Variants in TEX264 observed in about 807,000 individuals in gnomAD.
TEX264 encodes the protein testis expressed 264, ER-phagy receptor, also known as testis-expressed protein 264.
Under a neutral mutation model 23.4 loss-of-function variants are expected in TEX264, and 13 were observed. The ratio of observed to expected loss-of-function variants is 0.56; its 90% CI spans 0.36 to 0.88. The LOEUF (loss-of-function observed/expected upper bound fraction) is 0.88, where lower values mean the gene tolerates loss of function less well. Among genes scored for constraint, TEX264 ranks in the 40% least tolerant of loss-of-function variants. The pLI is 0.01. For synonymous variants in TEX264, 159 were observed against 170.0 expected (o/e 0.94, Z 0.50); for missense variants, 340 against 406.8 (o/e 0.84, Z 1.41).
At chr3:51,676,375 A>G (rs1452652620) in intron 2 of TEX264, among the ~76,000 whole-genome samples, 2 of 152,338 alleles carry the variant, frequency 1.3e-5, no homozygotes, top group African/African-American at 4.8e-5. Flanking sequence ...AGGCTGGTCT[A>G]GGGAAGAGTG....
chr3:51,676,917 G>A (rs1200138654), intron 2 of TEX264, among the ~76,000 whole-genome samples: 2 of 152,242 alleles, frequency 1.3e-5, no homozygotes, highest in African/African-American at 4.8e-5. Flanking sequence ...TCCTGGGTCA[G>A]TCCAGAAGAC....
chr3:51,674,508 C>A lies in TEX264; in HGVS notation c.204C>A (p.Cys68Ter). ...CTGGGCGGCTTTTCACTGAGAGCTGCAGCATCTCTCCCAAGCTCCGCTCCA... is the reference window on the plus strand; with the variant it reads ...CTGGGCGGCTTTTCACTGAGAGCTGAAGCATCTCTCCCAAGCTCCGCTCCA... ...GETGRLFTES[C>*]SISPKLRSIA... The change falls in exon 2 of 5, where the codon TGC (cysteine) becomes TGA (stop). Residue 68 changes from cysteine (C) to a stop codon, truncating the protein, a stop_gained. Transcript: ENST00000341333. LOFTEE classifies it high-confidence loss of function. 1 of 1,614,212 alleles carries A rather than the reference C, an allele frequency of 6.2e-7. No homozygotes were observed. Among genetic ancestry groups the A allele is most frequent in the Non-Finnish European group, 8.5e-7 (1 of 1,180,044 alleles).
At chr3:51,679,252 G>A (rs1465685627) in intron 2 of TEX264, among the ~76,000 whole-genome samples, 1 of 152,152 alleles carries the variant, frequency 6.6e-6, no homozygotes, top group Non-Finnish European at 1.5e-5. Context: ...TTGTTTTGTG[G>A]GGGCTAATTG....
intron 3 of TEX264, among the ~76,000 whole-genome samples, chr3:51,698,433 A>T (rs1703153983): frequency 6.6e-6 from 1 of 152,128 alleles, no homozygotes; most frequent in African/African-American, 2.4e-5. Context: ...CAGTCATCAT[A>T]GTGGGTATTT....
intron 3 of TEX264, among the ~76,000 whole-genome samples, chr3:51,697,130 C>T (rs1271374815): frequency 6.6e-6 from 1 of 152,222 alleles, no homozygotes; most frequent in Non-Finnish European, 1.5e-5. Flanking sequence ...GTTTCCATGG[C>T]AACGGGGCTG....
chr3:51,689,569 G>T (rs977650539), intron 3 of TEX264, among the ~76,000 whole-genome samples: 2 of 152,206 alleles, frequency 1.3e-5, no homozygotes, highest in African/African-American at 4.8e-5. Flanking sequence ...ATCAGCCTGT[G>T]GTGGGAGCTG....
chr3:51,677,749 G>A (rs985068695), intron 2 of TEX264, among the ~76,000 whole-genome samples: 1 of 152,238 alleles, frequency 6.6e-6, no homozygotes, highest in East Asian at 1.9e-4. Flanking sequence ...GGCAGTTGGT[G>A]TGGACCTGTT....
intron 4 of TEX264, among the ~76,000 whole-genome samples, chr3:51,700,685 C>A (rs1703260987): frequency 6.6e-6 from 1 of 151,562 alleles, no homozygotes; most frequent in Non-Finnish European, 1.5e-5. Context: ...CCTTGACCCA[C>A]CCACCCAGCT....
At chr3:51,672,022 G>A (rs1702063141) in intron 1 of TEX264, 1 of 152,326 alleles carries the variant, frequency 6.6e-6, no homozygotes, top group Admixed American at 6.5e-5. Context: ...TGTGATTGGA[G>A]TACTCCAGGA....
rs575334591 is a variant in TEX264 at position 51,697,974 on chromosome 3, C to G, written c.481-1432C>G. ...TTGGAAGCATCAGGGCTAGGGTGTT[C>G]TACTTTGCTGTTGAGCACATGGAGA... is the stretch of plus-strand genomic sequence containing the variant. On this transcript the variant is annotated intron_variant, in intron 3 of 4. Transcript: ENST00000341333. Among the ~76,000 whole-genome samples the G allele has an allele frequency of 5.9e-5, 9 of 152,274 alleles. No homozygotes were observed. In the South Asian group the frequency reaches 6.2e-4, roughly 11 times the overall value.
chr3:51,679,945 G>A (rs2106923306), intron 2 of TEX264, among the ~76,000 whole-genome samples: 1 of 152,294 alleles, frequency 6.6e-6, no homozygotes, highest in Non-Finnish European at 1.5e-5. Context: ...GAAGTTGGGG[G>A]TTGGCGTGTT....
intron 1 of TEX264, among the ~76,000 whole-genome samples, chr3:51,673,825 C>T (rs184157666): frequency 2.6e-4 from 40 of 152,308 alleles, no homozygotes; most frequent in African/African-American, 9.4e-4. Context: ...CTCTGGCAGT[C>T]GTCCCTGAGG....
intron 3 of TEX264, among the ~76,000 whole-genome samples, chr3:51,690,135 C>G (rs904625240): frequency 1.4e-4 from 21 of 152,170 alleles, no homozygotes; most frequent in African/African-American, 4.8e-4. Flanking sequence ...TGTTTGCTTC[C>G]CTTTAGTCTG....
rs941220860 is a variant in TEX264 at position 51,691,966 on chromosome 3, G to A, written c.480+7332G>A. 2.6e-5 allele frequency among the ~76,000 whole-genome samples: 4 copies of A among 152,206 alleles called. No homozygotes were observed. The highest frequency in any genetic ancestry group is 4.8e-5 in the African/African-American group (2 of 41,458). ...TGGGTATTGAGGTGTTGGGAGCCAG[G>A]CCTCTCCCCTTTGTTGGCCTAGGCA... On this transcript the variant is annotated intron_variant, in intron 3 of 4. Transcript: ENST00000341333. The surrounding 1 kb of genome is among the most constrained non-coding windows in gnomAD (Gnocchi z 4.4).
intron 2 of TEX264, among the ~76,000 whole-genome samples, chr3:51,681,073 T>G (rs974600641): frequency 2.0e-5 from 3 of 152,122 alleles, no homozygotes; most frequent in African/African-American, 7.2e-5. Flanking sequence ...CCTTCTAGGC[T>G]CCTCCTTAGG....
At position 51,699,433 on chromosome 3, in the gene TEX264, C is replaced by G; in HGVS notation, c.508C>G (p.Leu170Val). 1 of 1,613,874 alleles carries G rather than the reference C, an allele frequency of 6.2e-7. No homozygotes were observed. Among genetic ancestry groups the G allele is most frequent in the Middle Eastern group, 1.7e-4 (1 of 6,058 alleles). ...GCGGAAGCTGTGTGCCTATCCTCGGCTGGAGATCTACCAGGAAGACCAGAT... is the reference window on the plus strand; with the variant it reads ...GCGGAAGCTGTGTGCCTATCCTCGGGTGGAGATCTACCAGGAAGACCAGAT... ...KERKLCAYPRLEIYQEDQIHF... is the reference protein window; with the variant it reads ...KERKLCAYPRVEIYQEDQIHF... Residue 170 changes from leucine (L) to valine (V), a missense_variant, in exon 4 of 5, where the codon CTG (leucine) becomes GTG (valine). Coordinates refer to ENST00000341333, the MANE Select transcript of TEX264 (RefSeq NM_015926.6).
At position 51,704,061 on chromosome 3, in the gene TEX264, G is replaced by A. The variant is rs529986462; in HGVS notation, c.*45G>A. On this transcript the variant is annotated 3_prime_UTR_variant, in exon 5 of 5. Coordinates refer to ENST00000341333, the MANE Select transcript of TEX264 (RefSeq NM_015926.6). Reference sequence around the variant, plus strand: ...TGCAGTGCAGTTGCTGAGGAACTGAGCAGACTCTCCAGCAGACTCTCCAGC... The same window carrying A: ...TGCAGTGCAGTTGCTGAGGAACTGAACAGACTCTCCAGCAGACTCTCCAGC... 1.4e-6 allele frequency: 2 copies of A among 1,412,650 alleles called. No homozygotes were observed. The highest frequency in any genetic ancestry group is 2.7e-5 in the Admixed American group (1 of 37,098). 87.5% of individuals were successfully genotyped at this position (1,412,650 alleles called of 1,614,324 possible). A position where few individuals can be genotyped will look rare whatever the true frequency, so the allele number is the denominator to read the frequency against.
intron 3 of TEX264, among the ~76,000 whole-genome samples, chr3:51,684,958 AG>A (rs1702563291): frequency 6.6e-6 from 1 of 152,266 alleles, no homozygotes; most frequent in Non-Finnish European, 1.5e-5. Flanking sequence ...ATGAATGGAC[AG>A]GCCACTTTAT....
intron 2 of TEX264, 70 bp from the exon 3 acceptor site, chr3:51,684,343 C>T: frequency 7.0e-7 from 1 of 1,430,872 alleles, no homozygotes; most frequent in Non-Finnish European, 9.8e-7. Context: ...CTGGCACAGT[C>T]CCAGGAGGAA....
Sources: allele counts gnomAD v4.1 joint callset (sites outside exome capture counted in the v4.1 genomes callset), GRCh38; gene constraint gnomAD v4.1.1; non-coding constraint Gnocchi (gnomAD v3.1); transcripts MANE v1.5; gene names NCBI Gene and HGNC (gene_info 2026-07-23, HGNC 2026-07-21).